LUZP2: variants seen among roughly 807,000 people sequenced by gnomAD.
The protein encoded by LUZP2 is leucine zipper protein 2.
In LUZP2, 52 loss-of-function variants were observed where a neutral mutation model predicts 51.6. The observed-to-expected ratio is 1.01, with a 90% CI of 0.81 to 1.27. LUZP2 has a LOEUF of 1.27. Ranked by LOEUF, LUZP2 falls within the 50% of genes most tolerant of loss-of-function variation. The pLI is 0.00. For missense variants in LUZP2, 436 were observed against 395.4 expected, an observed-to-expected ratio of 1.10 and a Z score of -0.87; for synonymous variants, 154 against 137.3, an observed-to-expected ratio of 1.12 and a Z score of -0.85.
intron 9 of LUZP2, among the ~76,000 whole-genome samples, chr11:25,021,561 T>C (rs924342834): frequency 5.3e-5 from 8 of 151,742 alleles, no homozygotes; most frequent in Admixed American, 5.3e-4. Context: ...GATTAGTGTG[T>C]GTTTGAGGTA....
intron 10 of LUZP2, among the ~76,000 whole-genome samples, chr11:25,065,812 A>T (rs1469333498): frequency 6.6e-6 from 1 of 152,084 alleles, no homozygotes; most frequent in African/African-American, 2.4e-5. Flanking sequence ...TCTATGAGTC[A>T]GAGAAGGTGA....
intron 8 of LUZP2, among the ~76,000 whole-genome samples, chr11:24,981,731 A>G (rs1419168900): frequency 1.3e-5 from 2 of 151,890 alleles, no homozygotes; most frequent in Admixed American, 6.6e-5. Flanking sequence ...TCTGAGAAAC[A>G]CAAGAATCTA....
At chr11:24,856,614 G>T (rs1455605162) in intron 5 of LUZP2, among the ~76,000 whole-genome samples, 2 of 151,988 alleles carry the variant, frequency 1.3e-5, no homozygotes, top group East Asian at 1.9e-4. Flanking sequence ...ATATCAAAAA[G>T]ATACTTGTAC....
At chr11:25,056,772 C>G (rs1209311848) in intron 10 of LUZP2, among the ~76,000 whole-genome samples, 1 of 152,064 alleles carries the variant, frequency 6.6e-6, no homozygotes, top group Non-Finnish European at 1.5e-5. Flanking sequence ...AATAATCCCA[C>G]GTAGATTTTC....
At chr11:24,593,687 C>A (rs1215574842) in intron 1 of LUZP2, among the ~76,000 whole-genome samples, 1 of 152,194 alleles carries the variant, frequency 6.6e-6, no homozygotes, top group East Asian at 1.9e-4. Flanking sequence ...TTCCTTAGAA[C>A]AGTACCCGCA....
chr11:24,705,918 C>T (rs1565088697), intron 1 of LUZP2, among the ~76,000 whole-genome samples: 1 of 147,904 alleles, frequency 6.8e-6, no homozygotes, highest in Non-Finnish European at 1.5e-5. Context: ...AATATGTGCT[C>T]ATAGCGCTAA....
chr11:24,509,583 A>G (rs1850245007), intron 1 of LUZP2, among the ~76,000 whole-genome samples: 1 of 149,430 alleles, frequency 6.7e-6, no homozygotes, highest in Non-Finnish European at 1.5e-5. Flanking sequence ...GACATCTTTC[A>G]CTTTTCTGAA....
chr11:24,585,833 A>C (rs1457294429), intron 1 of LUZP2, among the ~76,000 whole-genome samples: 1 of 152,154 alleles, frequency 6.6e-6, no homozygotes, highest in Non-Finnish European at 1.5e-5. Context: ...GAATTAAACC[A>C]ATGTAATATG....
chr11:24,602,928 ACTAT>A (rs1853792038), intron 1 of LUZP2, among the ~76,000 whole-genome samples: 1 of 151,796 alleles, frequency 6.6e-6, no homozygotes, highest in Admixed American at 6.6e-5. Flanking sequence ...TGGCAGAATA[ACTAT>A]CTAGGGTAGA....
chr11:24,633,007 T>C (rs570964402), intron 1 of LUZP2, among the ~76,000 whole-genome samples: 1 of 152,132 alleles, frequency 6.6e-6, no homozygotes, highest in East Asian at 1.9e-4. Context: ...GATGGGGTCT[T>C]GAAGAATGAT....
chr11:24,820,410 G>A (rs1002222416), intron 5 of LUZP2, among the ~76,000 whole-genome samples: 2 of 152,144 alleles, frequency 1.3e-5, no homozygotes, highest in African/African-American at 2.4e-5. Context: ...GGAGTCTCAG[G>A]AAAGAAATAA....
At chr11:24,945,489 G>A (rs1243820264) in intron 7 of LUZP2, among the ~76,000 whole-genome samples, 2 of 149,798 alleles carry the variant, frequency 1.3e-5, no homozygotes, top group African/African-American at 4.9e-5. Flanking sequence ...CAAAAGAAGG[G>A]TTGTCTGTTT....
chr11:24,631,096 G>C (rs1854873679), intron 1 of LUZP2, among the ~76,000 whole-genome samples: 1 of 151,814 alleles, frequency 6.6e-6, no homozygotes, highest in Non-Finnish European at 1.5e-5. Flanking sequence ...GTTTTCTGGT[G>C]CCATCTTTAG....
At chr11:24,967,076 A>G (rs944367229) in intron 7 of LUZP2, among the ~76,000 whole-genome samples, 23 of 151,690 alleles carry the variant, frequency 1.5e-4, no homozygotes, top group Non-Finnish European at 2.5e-4. Flanking sequence ...ATCCATTGTC[A>G]TATATGTCTA....
At chr11:24,732,252 A>G (rs1285310108) in intron 3 of LUZP2, 64 bp downstream of exon 3, 4 of 1,213,192 alleles carry the variant, frequency 3.3e-6, no homozygotes, top group Non-Finnish European at 4.7e-6. Context: ...CAGAAACTTC[A>G]CAAAATTTAT....
chr11:25,043,642 G>T (rs985468160), intron 9 of LUZP2, among the ~76,000 whole-genome samples: 1 of 148,910 alleles, frequency 6.7e-6, no homozygotes, highest in Non-Finnish European at 1.5e-5. Flanking sequence ...ATGTACTAGA[G>T]ACTCATTTTC....
At chr11:25,066,098 A>C (rs1255134133) in intron 10 of LUZP2, among the ~76,000 whole-genome samples, 2 of 151,592 alleles carry the variant, frequency 1.3e-5, no homozygotes, top group Admixed American at 1.3e-4. Flanking sequence ...TGGAAGGAGG[A>C]TTTCTAGGGA....
At chr11:25,002,420 T>C (rs949913208) in intron 9 of LUZP2, among the ~76,000 whole-genome samples, 6 of 152,102 alleles carry the variant, frequency 3.9e-5, no homozygotes, top group Non-Finnish European at 8.8e-5. Context: ...AGTGGCAGGG[T>C]TGAGGGCCAT....
chr11:24,742,761 G>T (rs776242689), intron 4 of LUZP2, among the ~76,000 whole-genome samples: 38 of 151,960 alleles, frequency 2.5e-4, no homozygotes, highest in Non-Finnish European at 4.6e-4. Flanking sequence ...TGTTATGAGA[G>T]CCTTGCCTAA....
Sources: allele counts gnomAD v4.1 joint callset (sites outside exome capture counted in the v4.1 genomes callset), GRCh38; gene constraint gnomAD v4.1.1; transcripts MANE v1.5; gene names NCBI Gene and HGNC (gene_info 2026-07-23, HGNC 2026-07-21).